NBPF19: variants seen among roughly 807,000 people sequenced by gnomAD.
NBPF19 encodes the protein NBPF member 19.
A neutral mutation model predicts 45.9 loss-of-function variants in NBPF19; 30 were observed. The observed-to-expected ratio is 0.65, with a 90% CI of 0.49 to 0.89. NBPF19 has a LOEUF of 0.89. NBPF19 is among the 40% of genes least tolerant of loss of function. NBPF19 has a pLI of 0.00. For synonymous variants in NBPF19, 183 were observed against 181.2 expected, an observed-to-expected ratio of 1.01 and a Z score of -0.08; for missense variants, 495 against 471.8, an observed-to-expected ratio of 1.05 and a Z score of -0.46.
At chr1:149,490,898 C>G (rs1269415769) in intron 13 of NBPF19, among the ~76,000 whole-genome samples, 2,690 of 124,404 alleles carry the variant, frequency 0.022, 139 homozygotes, top group Middle Eastern at 0.035. Flanking sequence ...CTCTCTCTCT[C>G]TGTGTGTGTG....
Position 149,554,378 on chromosome 1 carries a change from A to G in NBPF19, c.11289-117A>G, listed in dbSNP as rs1467330957. 1,058 of 1,585,998 alleles carry G rather than the reference A, an allele frequency of 6.7e-4. 18 individuals carry two copies. The African/African-American group carries it at 0.013, about 20-fold the overall frequency. On this transcript the variant is annotated intron_variant, in intron 93 of 93. Coordinates refer to ENST00000651566, the MANE Select transcript of NBPF19 (RefSeq NM_001351365.2). ...AATAAATTTTTTTTTTTACCTCATT[A>G]ATGGATCTATCCTTTTTCTTTTCTA...
intron 61 of NBPF19, among the ~76,000 whole-genome samples, chr1:149,528,945 CTGTGTG>C (rs1182341067): frequency 6.4e-5 from 7 of 108,952 alleles, no homozygotes; most frequent in Non-Finnish European, 9.6e-5. Flanking sequence ...TTCTCTCTCT[CTGTGTG>C]TGTGTGTGTG....
Position 149,488,172 on chromosome 1 carries a change from T to A in NBPF19, c.1200T>A (p.Ala400=), listed in dbSNP as rs1168752879. 6.0e-6 allele frequency: 4 copies of A among 665,966 alleles called. No homozygotes were observed. The highest frequency in any genetic ancestry group is 1.1e-5 in the Non-Finnish European group (4 of 372,014). The allele number at this position is 665,966 out of a possible 1,614,324, so 41.3% of individuals were successfully genotyped here. The change falls in exon 10 of 94, where the codon GCT becomes GCA. Residue 400 remains alanine (A), a synonymous_variant. Coordinates refer to ENST00000651566, the MANE Select transcript of NBPF19 (RefSeq NM_001351365.2). ...TGGAGCAACAGCGTGTTGGCTTGGC[T>A]ATTGACATGGATGGTGAGTACCTTT... ...YVLEQQRVGL[A]IDMDEIEKYQ... is the part of the protein sequence containing the mutation.
chr1:149,487,805 G>T (rs1419492774), intron 9 of NBPF19, among the ~76,000 whole-genome samples: 7 of 148,366 alleles, frequency 4.7e-5, no homozygotes, highest in East Asian at 4.0e-4. Flanking sequence ...GTGTGTGTGT[G>T]TGTGTGTGTG....
rs1448925957 is a variant in NBPF19, at chr1:149,554,640, C to T, written c.11434C>T (p.His3812Tyr). The T allele has an allele frequency of 1.2e-5, 19 of 1,608,232 alleles. 2 individuals are homozygous for T. The highest frequency in any genetic ancestry group is 3.3e-5 in the Admixed American group (2 of 59,882). The change falls in exon 94 of 94, where the codon CAT (histidine) becomes TAT (tyrosine). Residue 3812 changes from histidine to tyrosine, a missense_variant. By Grantham distance (83) the His-to-Tyr change is moderately conservative. Transcript: ENST00000651566. ...RSVFYSFEEE[H>Y]ISFALYLDNR... is the part of the protein sequence containing the mutation. ...TGTGTTTTACTCATTTGAGGAAGAG[C>T]ATATCAGCTTCGCCCTTTACTTGGA...
At chr1:149,493,944 C>T (rs2085967609) in intron 17 of NBPF19, among the ~76,000 whole-genome samples, 1 of 45,782 alleles carries the variant, frequency 2.2e-5, no homozygotes, top group Non-Finnish European at 3.6e-5. Flanking sequence ...ATGGCAACTG[C>T]ATGGAATCTT....
Position 149,487,390 on chromosome 1 carries a change from C to T in NBPF19, c.1040+7C>T, listed in dbSNP as rs1406400034. On this transcript the variant is annotated splice_region_variant and intron_variant, in intron 9 of 93. Transcript: ENST00000651566. ...AAGAGGCAACAGGTCCCAGGTGAGT[C>T]TGAGAAATTGTGGACAGTTAATTTG... The T allele has an allele frequency of 3.3e-4, 489 of 1,495,202 alleles. 11 individuals are homozygous for T. The highest frequency in any genetic ancestry group is 2.1e-4 in the Middle Eastern group (1 of 4,718). The allele number at this position is 1,495,202 out of a possible 1,614,324, so 92.6% of individuals were successfully genotyped here.
rs1303101495 is a variant in NBPF19, at chr1:149,488,371, C to G, written c.1213+186C>G. ...CCCAGACAAGGGATGGTTCAGTGAG[C>G]AAGGCTCTCTTCCTAGTCTCAGGCC... On this transcript the variant is annotated intron_variant, in intron 10 of 93. Coordinates refer to ENST00000651566, the MANE Select transcript of NBPF19 (RefSeq NM_001351365.2). 2.8e-5 allele frequency among the ~76,000 whole-genome samples: 4 copies of G among 142,546 alleles called. 1 individual carries two copies. Among genetic ancestry groups the G allele is most frequent in the Non-Finnish European group, 6.1e-5 (4 of 65,974 alleles). 93.5% of individuals were successfully genotyped at this position (142,546 alleles called of 152,430 possible). A position where few individuals can be genotyped will look rare whatever the true frequency, so the allele number is the denominator to read the frequency against.
chr1:149,487,805 GTGT>G (rs2085684044), intron 9 of NBPF19, among the ~76,000 whole-genome samples: 1 of 148,254 alleles, frequency 6.7e-6, no homozygotes. Context: ...GTGTGTGTGT[GTGT>G]GTGTGTGTGT....
intron 9 of NBPF19, 91 bp downstream of exon 9, chr1:149,487,474 T>G (rs1353088866): frequency 1.0e-6 from 1 of 982,868 alleles, no homozygotes; most frequent in Admixed American, 1.7e-5. Flanking sequence ...AAATAATGAT[T>G]TTGTCTTGTC....
chr1:149,479,434 A>C (rs2085038343), intron 4 of NBPF19, among the ~76,000 whole-genome samples: 1 of 150,808 alleles, frequency 6.6e-6, no homozygotes. Flanking sequence ...CCCAGGCTGT[A>C]TTTTTGGCAG....
Position 149,478,017 on chromosome 1 carries a change from C to A in NBPF19, c.248C>A (p.Ala83Glu), listed in dbSNP as rs1373219625. ...CGACAGTTCAAGGAGGAGAAGCTTG[C>A]AGAGCAGCTGAAGCAAGCTGAGGAG... ...NERQFKEEKL[A>E]EQLKQAEELR... Residue 83 changes from alanine to glutamate, a missense_variant, in exon 3 of 94, where the codon GCA becomes GAA. By Grantham distance (107) the Ala-to-Glu change is moderately radical. Transcript: ENST00000651566. 3.2e-6 allele frequency: 5 copies of A among 1,552,864 alleles called. No homozygotes were observed. The East Asian group carries it at 1.1e-4, about 35-fold the overall frequency.
At chr1:149,487,773 CTCTG>C (rs2085669560) in intron 9 of NBPF19, among the ~76,000 whole-genome samples, 2 of 130,036 alleles carry the variant, frequency 1.5e-5, no homozygotes, top group African/African-American at 6.1e-5. Context: ...ACTGAGCTCG[CTCTG>C]TGTGTGTGTG....
intron 61 of NBPF19, among the ~76,000 whole-genome samples, 168 bp from the exon 62 acceptor site, chr1:149,529,006 A>T (rs1247135725): frequency 1.6e-5 from 2 of 122,066 alleles, no homozygotes; most frequent in Non-Finnish European, 3.4e-5. Flanking sequence ...ATTCTTTTCC[A>T]TTTGGCCCTG....
At chr1:149,487,128 C>T (rs1342742152) in intron 8 of NBPF19, among the ~76,000 whole-genome samples, 12 of 150,126 alleles carry the variant, frequency 8.0e-5, no homozygotes, top group African/African-American at 2.7e-4. Flanking sequence ...CATTCCAACA[C>T]AGGGGAATTT....
intron 3 of NBPF19, among the ~76,000 whole-genome samples, chr1:149,478,557 C>T (rs1393254371): frequency 1.3e-5 from 2 of 151,162 alleles, no homozygotes; most frequent in African/African-American, 4.9e-5. Context: ...TGTGTATTTT[C>T]ACATGGAAAT....
intron 9 of NBPF19, among the ~76,000 whole-genome samples, chr1:149,487,807 G>GTCTGTC (rs2085685610): frequency 6.7e-6 from 1 of 150,064 alleles, no homozygotes; most frequent in Non-Finnish European, 1.5e-5. Context: ...GTGTGTGTGT[G>GTCTGTC]TGTGTGTGTG....
chr1:149,554,178 A>T (rs1163034722), intron 93 of NBPF19, among the ~76,000 whole-genome samples: 122 of 143,084 alleles, frequency 8.5e-4, no homozygotes, highest in African/African-American at 3.0e-3. Flanking sequence ...TCATGATCAC[A>T]GTTTGCTGTG....
At position 149,488,190 on chromosome 1, in the gene NBPF19, G is replaced by C. The variant is rs1345955477; in HGVS notation, c.1213+5G>C. The C allele has an allele frequency of 1.6e-6, 1 of 632,776 alleles. No individual in the cohort carries two copies. The highest frequency in any genetic ancestry group is 2.8e-6 in the Non-Finnish European group (1 of 355,040). The allele number at this position is 632,776 out of a possible 1,614,324, so 39.2% of individuals were successfully genotyped here. ...GCTTGGCTATTGACATGGATGGTGA[G>C]TACCTTTCTATGAAGGTGATAAGGA... On this transcript the variant is annotated splice_donor_5th_base_variant and intron_variant, in intron 10 of 93. Coordinates refer to ENST00000651566, the MANE Select transcript of NBPF19 (RefSeq NM_001351365.2).
Sources: gnomAD v4.1 joint callset for allele counts (sites outside exome capture counted in the v4.1 genomes callset) on GRCh38, gnomAD v4.1.1 for gene constraint, MANE v1.5 for transcripts, NCBI Gene and HGNC (gene_info 2026-07-23, HGNC 2026-07-21) for gene names.